The following GRM7 variants were observed in gnomAD, a reference collection of about 807,000 sequenced individuals.
GRM7 encodes the protein glutamate metabotropic receptor 7.
GRM7 carries 35 observed loss-of-function variants against 84.5 expected under a neutral mutation model. The ratio of observed to expected loss-of-function variants is 0.41; its 90% CI spans 0.32 to 0.55. The LOEUF (loss-of-function observed/expected upper bound fraction) is 0.55, where lower values mean the gene tolerates loss of function less well. Ranked by LOEUF, GRM7 falls within the 20% of genes least tolerant of loss-of-function variation. The probability of loss-of-function intolerance (pLI) is 0.19; values close to 1 mark genes in which losing one functional copy is unlikely to be tolerated. For missense variants in GRM7, 1,003 were observed against 1,194.6 expected (o/e 0.84, Z 2.36); for synonymous variants, 487 against 455.1 (o/e 1.07, Z -0.89).
At chr3:7,396,309 A>C (rs2125150667) in intron 4 of GRM7, among the ~76,000 whole-genome samples, 1 of 152,288 alleles carries the variant, frequency 6.6e-6, no homozygotes, top group East Asian at 1.9e-4. Flanking sequence ...CACACTAAAA[A>C]GGTGAATCTG....
intron 8 of GRM7, among the ~76,000 whole-genome samples, chr3:7,659,415 TA>T (rs1264118271): frequency 6.6e-6 from 1 of 152,152 alleles, no homozygotes; most frequent in East Asian, 1.9e-4. Context: ...AGTGATCATT[TA>T]AAGGCATCTC....
chr3:6,886,733 A>G (rs2124973460), intron 1 of GRM7, among the ~76,000 whole-genome samples: 1 of 151,996 alleles, frequency 6.6e-6, no homozygotes, highest in South Asian at 2.1e-4. Flanking sequence ...TACATATATC[A>G]TTACTCTGTT....
intron 7 of GRM7, among the ~76,000 whole-genome samples, chr3:7,572,751 G>A (rs1025156317): frequency 1.4e-5 from 2 of 147,708 alleles, no homozygotes; most frequent in African/African-American, 5.0e-5. Flanking sequence ...GAACCTGGAA[G>A]GCGGAGCTTG....
At chr3:7,333,048 A>G (rs1301975018) in intron 4 of GRM7, among the ~76,000 whole-genome samples, 1 of 152,236 alleles carries the variant, frequency 6.6e-6, no homozygotes, top group East Asian at 1.9e-4. Context: ...CTGGAGGTCA[A>G]TCAAGTCAAG....
At position 7,657,209 on chromosome 3, in the gene GRM7, T is replaced by TAATA. The variant is rs1223008296; in HGVS notation, c.2452-22839_2452-22836dup. 1.2e-4 allele frequency among the ~76,000 whole-genome samples: 19 copies of TAATA among 152,338 alleles called. No homozygotes were observed. In the South Asian group the frequency reaches 3.7e-3, roughly 30 times the overall value. ...GTGTTATTCTAGAGTTCCTGCCTTC[T>TAATA]AATATCATTGTCATTCCCCAAGTGA... On this transcript the variant is annotated intron_variant, in intron 8 of 9. Transcript: ENST00000357716.
intron 1 of GRM7, among the ~76,000 whole-genome samples, chr3:7,095,913 C>A (rs1698842684): frequency 6.6e-6 from 1 of 152,078 alleles, no homozygotes; most frequent in South Asian, 2.1e-4. Context: ...ACACACCTTA[C>A]ACACATACAT....
At chr3:6,962,988 C>G (rs574197083) in intron 1 of GRM7, among the ~76,000 whole-genome samples, 2 of 152,332 alleles carry the variant, frequency 1.3e-5, no homozygotes, top group South Asian at 4.1e-4. Flanking sequence ...CAAGGGGAAA[C>G]TGCCTTCATT....
chr3:6,963,266 A>G (rs913527037), intron 1 of GRM7, among the ~76,000 whole-genome samples: 1 of 152,234 alleles, frequency 6.6e-6, no homozygotes, highest in African/African-American at 2.4e-5. Flanking sequence ...TAGGTTCTGA[A>G]GAACTTTTAT....
Position 7,298,792 on chromosome 3 carries a change from C to T in GRM7, c.845C>T (p.Ala282Val), listed in dbSNP as rs1699900138. The change falls in exon 3 of 10, where the codon GCC becomes GTC. Residue 282 changes from alanine (A) to valine (V), a missense_variant. Ala to Val is a moderately conservative substitution (Grantham distance 64, BLOSUM62 0). This residue lies in a region of GRM7 where 910 missense variants were observed against 1,126.0 expected (regional missense o/e 0.81). Transcript: ENST00000357716. ...CTCCTGGACACCCCCAACTCCAGGG[C>T]CGTCGTGATTTTTGCCAACGATGAG... ...KQLLDTPNSR[A>V]VVIFANDEDI... 1 of 1,613,508 alleles carries T rather than the reference C, an allele frequency of 6.2e-7. No individual in the cohort carries two copies. The highest frequency in any genetic ancestry group is 8.5e-7 in the Non-Finnish European group (1 of 1,179,546).
chr3:7,717,199 T>C (rs1701795491), intron 9 of GRM7, among the ~76,000 whole-genome samples: 1 of 152,160 alleles, frequency 6.6e-6, no homozygotes, highest in African/African-American at 2.4e-5. Context: ...GGATGAATTA[T>C]AGATGGGTCA....
chr3:7,031,782 T>C (rs1340697999), intron 1 of GRM7, among the ~76,000 whole-genome samples: 8 of 152,166 alleles, frequency 5.3e-5, no homozygotes, highest in Admixed American at 5.2e-4. Flanking sequence ...GTAGAACGTA[T>C]GCTGTGATTT....
intron 1 of GRM7, among the ~76,000 whole-genome samples, chr3:6,983,601 C>T (rs1694283659): frequency 6.6e-6 from 1 of 152,076 alleles, no homozygotes; most frequent in African/African-American, 2.4e-5. Context: ...AATTAAGAAA[C>T]ATAAACTTTC....
At chr3:7,274,889 G>T (rs1698995835) in intron 2 of GRM7, among the ~76,000 whole-genome samples, 2 of 151,854 alleles carry the variant, frequency 1.3e-5, no homozygotes, top group South Asian at 4.2e-4. Flanking sequence ...TTGTGTTCCT[G>T]TTTCTCTTTC....
At chr3:6,864,056 C>G (rs1694857456) in intron 1 of GRM7, among the ~76,000 whole-genome samples, 1 of 152,116 alleles carries the variant, frequency 6.6e-6, no homozygotes, top group South Asian at 2.1e-4. Flanking sequence ...ATTCCCTGAG[C>G]TGAGGAGAAA....
At chr3:6,944,602 T>G (rs1240704243) in intron 1 of GRM7, among the ~76,000 whole-genome samples, 3 of 152,196 alleles carry the variant, frequency 2.0e-5, no homozygotes, top group Non-Finnish European at 4.4e-5. Context: ...TCTTTGCATA[T>G]GTATTCCTGA....
chr3:7,058,688 C>T (rs1697318921), intron 1 of GRM7, among the ~76,000 whole-genome samples: 1 of 151,828 alleles, frequency 6.6e-6, no homozygotes, highest in African/African-American at 2.4e-5. Context: ...GGTACACTCG[C>T]CAGCTGTTTT....
chr3:7,043,108 G>A lies in GRM7; in HGVS notation c.520-103344G>A, dbSNP rs983458994. 3.3e-5 allele frequency among the ~76,000 whole-genome samples: 5 copies of A among 152,200 alleles called. 1 individual carries two copies. The highest frequency in any genetic ancestry group is 4.1e-4 in the South Asian group (2 of 4,828). On this transcript the variant is annotated intron_variant, in intron 1 of 9. Transcript: ENST00000357716. Reference sequence around the variant, plus strand: ...GTTTTCCACTTCGGCTACTGCTAACGGGAACTAGTTCCAGCTTTGTGAGAC... The same window carrying A: ...GTTTTCCACTTCGGCTACTGCTAACAGGAACTAGTTCCAGCTTTGTGAGAC...
In GRM7 at chr3:7,128,509, T is replaced by TC. The variant is rs1491302204; in HGVS notation, c.520-17943_520-17942insC. ...AAATTTTAAAAATCAGACTTCCTTG[T>TC]TTTTTTTTTTTTTTTTGAGATGGAG... On this transcript the variant is annotated intron_variant, in intron 1 of 9. Transcript: ENST00000357716. 1.6e-4 allele frequency among the ~76,000 whole-genome samples: 6 copies of TC among 37,380 alleles called. 1 individual carries two copies. Among genetic ancestry groups the TC allele is most frequent in the African/African-American group, 1.5e-3 (6 of 4,122 alleles). The allele number at this position is 37,380 out of a possible 152,430, so 24.5% of individuals were successfully genotyped here.
At chr3:7,259,298 T>C (rs1244707867) in intron 2 of GRM7, among the ~76,000 whole-genome samples, 1 of 152,218 alleles carries the variant, frequency 6.6e-6, no homozygotes, top group Non-Finnish European at 1.5e-5. Flanking sequence ...ACTTTTATTT[T>C]AGATTTTGGG....
Sources: allele counts gnomAD v4.1 joint callset (sites outside exome capture counted in the v4.1 genomes callset), GRCh38; gene constraint gnomAD v4.1.1; regional missense constraint gnomAD v4.1.1; transcripts MANE v1.5; gene names NCBI Gene and HGNC (gene_info 2026-07-23, HGNC 2026-07-21).